The following RCC2 variants were observed in gnomAD, a reference collection of about 807,000 sequenced individuals.
RCC2 encodes protein RCC2.
Under a neutral mutation model 64.1 loss-of-function variants are expected in RCC2, and 19 were observed. That is an observed-to-expected ratio of 0.30 (90% confidence interval 0.21 to 0.44). RCC2 has a LOEUF of 0.44. RCC2 is among the 20% of genes least tolerant of loss of function. RCC2 has a pLI of 1.00. For missense variants in RCC2, 508 were observed against 710.4 expected, an observed-to-expected ratio of 0.72 and a Z score of 3.24; for synonymous variants, 325 against 279.6, an observed-to-expected ratio of 1.16 and a Z score of -1.62.
chr1:17,423,637 T>C (rs1233452133), intron 4 of RCC2, among the ~76,000 whole-genome samples: 1 of 152,250 alleles, frequency 6.6e-6, no homozygotes, highest in Non-Finnish European at 1.5e-5. Flanking sequence ...ACACCGCATC[T>C]AGGTTTCAAC....
At chr1:17,437,283 G>A (rs1388520173) in intron 2 of RCC2, among the ~76,000 whole-genome samples, 1 of 152,188 alleles carries the variant, frequency 6.6e-6, no homozygotes, top group East Asian at 1.9e-4. Flanking sequence ...CGGGTGTCAG[G>A]CTCTACACCC....
chr1:17,409,588 G>A (rs1235575095), intron 12 of RCC2, among the ~76,000 whole-genome samples: 1 of 152,222 alleles, frequency 6.6e-6, no homozygotes, highest in Non-Finnish European at 1.5e-5. Context: ...TGAGCCGCAG[G>A]GGCCTCACCC....
Position 17,425,510 on chromosome 1 carries a change from C to T in RCC2, c.523+31G>A, listed in dbSNP as rs544270255. On this transcript the variant is annotated intron_variant, in intron 4 of 12. Coordinates refer to ENST00000375436, the MANE Select transcript of RCC2 (RefSeq NM_018715.4). ...TGTGGGGACAGCTGGTGACAGTGGT[C>T]CCCAGTGCCCAGCACCCGCACGGTA... 62 of 1,562,576 alleles carry T rather than the reference C, an allele frequency of 4.0e-5. No homozygotes were observed. The South Asian group carries it at 6.9e-4, about 17-fold the overall frequency.
At chr1:17,419,905 C>T (rs2075533463) in intron 7 of RCC2, among the ~76,000 whole-genome samples, 1 of 152,250 alleles carries the variant, frequency 6.6e-6, no homozygotes, top group Non-Finnish European at 1.5e-5. Context: ...TCACTTCTGA[C>T]TTGAAGTATA....
At position 17,409,125 on chromosome 1, in the gene RCC2, T is replaced by G; in HGVS notation, c.1534A>C (p.Lys512Gln). ...CGGGGGTTGTATTCTGGCAGTTTCTTGATCTTCTCTTTCTCAGTCTCACTT... is the reference window on the plus strand; with the variant it reads ...CGGGGGTTGTATTCTGGCAGTTTCTGGATCTTCTCTTTCTCAGTCTCACTT... ...DESETEKEKI[K>Q]KLPEYNPRTL Residue 512 changes from lysine (K) to glutamine (Q), a missense_variant, in exon 13 of 13, where the codon AAG becomes CAG. By Grantham distance (53) the Lys-to-Gln change is moderately conservative. Around this residue, in one of 4 missense-constraint regions of RCC2, gnomAD observed 179 missense variants for 322.0 expected, o/e 0.56. Coordinates refer to ENST00000375436, the MANE Select transcript of RCC2 (RefSeq NM_018715.4). 1.9e-6 allele frequency: 3 copies of G among 1,614,096 alleles called. No individual in the cohort carries two copies. Among genetic ancestry groups the G allele is most frequent in the Non-Finnish European group, 2.5e-6 (3 of 1,179,954 alleles).
chr1:17,422,162 A>G, intron 6 of RCC2, 41 bp downstream of exon 6: 1 of 1,417,314 alleles, frequency 7.1e-7, no homozygotes, highest in Non-Finnish European at 9.7e-7. Context: ...AAAAGTAAAG[A>G]GAAACAAAAA....
intron 4 of RCC2, 70 bp from the exon 5 acceptor site, chr1:17,422,906 G>A (rs1342006962): frequency 2.5e-5 from 40 of 1,577,266 alleles, no homozygotes; most frequent in Non-Finnish European, 3.2e-5. Context: ...GAGAAGGCGA[G>A]TACAAACACA....
intron 8 of RCC2, among the ~76,000 whole-genome samples, chr1:17,415,714 A>C (rs1470065949): frequency 4.1e-4 from 59 of 144,336 alleles, no homozygotes; most frequent in East Asian, 1.4e-3. Flanking sequence ...CGCCTCAAAT[A>C]AAAAAAAAAA....
Position 17,407,525 on chromosome 1 carries a change from G to A in RCC2, c.*1565C>T, listed in dbSNP as rs754104507. The A allele has an allele frequency of 3.3e-5, 5 of 152,580 alleles. No individual in the cohort carries two copies. Among genetic ancestry groups the A allele is most frequent in the Non-Finnish European group, 7.3e-5 (5 of 68,040 alleles). The allele number at this position is 152,580 out of a possible 1,614,324, so 9.5% of individuals were successfully genotyped here. ...GCGTGGCGTCAGACTAAGTCTTAGA[G>A]AGATGCAGGCCAGTCTCCTCCCACA... On this transcript the variant is annotated 3_prime_UTR_variant, in exon 13 of 13. Coordinates refer to ENST00000375436, the MANE Select transcript of RCC2 (RefSeq NM_018715.4).
intron 12 of RCC2, among the ~76,000 whole-genome samples, 168 bp downstream of exon 12, chr1:17,409,806 G>A (rs2075405424): frequency 6.6e-6 from 1 of 152,224 alleles, no homozygotes; most frequent in East Asian, 1.9e-4. Flanking sequence ...ACTCTCTCCT[G>A]CAGAATGATT....
chr1:17,411,146 G>A (rs370803217), intron 11 of RCC2, among the ~76,000 whole-genome samples: 4 of 152,248 alleles, frequency 2.6e-5, no homozygotes, highest in East Asian at 3.9e-4. Context: ...AGGAGAGGGA[G>A]ACAGACTGTG....
intron 4 of RCC2, among the ~76,000 whole-genome samples, chr1:17,424,153 C>T (rs1196913379): frequency 6.6e-6 from 1 of 152,220 alleles, no homozygotes; most frequent in East Asian, 1.9e-4. Context: ...AGCAATGCGT[C>T]AGCCACCCTC....
chr1:17,423,940 C>G (rs887530945), intron 4 of RCC2, among the ~76,000 whole-genome samples: 3 of 152,214 alleles, frequency 2.0e-5, no homozygotes, highest in Non-Finnish European at 4.4e-5. Context: ...GGGAAACCAG[C>G]CTCTGACTCG....
chr1:17,426,947 G>A (rs1447319037), intron 3 of RCC2, among the ~76,000 whole-genome samples: 1 of 152,006 alleles, frequency 6.6e-6, no homozygotes, highest in Non-Finnish European at 1.5e-5. Context: ...ATATTTAGTA[G>A]AGAGGGTTTC....
intron 6 of RCC2, among the ~76,000 whole-genome samples, chr1:17,421,266 G>A (rs988379004): frequency 1.3e-5 from 2 of 152,138 alleles, no homozygotes; most frequent in African/African-American, 4.8e-5. Context: ...GGAGGCCGAG[G>A]CAGGCAGATC....
rs887962153 is a variant in RCC2 at position 17,438,677 on chromosome 1, G to T, written c.-8-155C>A. Reference sequence around the variant, plus strand: ...GGCGGAGAGGGGGCGAGTTGGGAGAGGAAATCGCGCCCCTCCCTGGCCCCG... The same window carrying T: ...GGCGGAGAGGGGGCGAGTTGGGAGATGAAATCGCGCCCCTCCCTGGCCCCG... On this transcript the variant is annotated intron_variant, in intron 1 of 12. Coordinates refer to ENST00000375436, the MANE Select transcript of RCC2 (RefSeq NM_018715.4). The T allele has an allele frequency of 1.7e-5, 12 of 699,322 alleles. No individual in the cohort carries two copies. The South Asian group carries it at 7.4e-4, about 43-fold the overall frequency. The allele number at this position is 699,322 out of a possible 1,614,324, so 43.3% of individuals were successfully genotyped here. A position where few individuals can be genotyped will look rare whatever the true frequency, so the allele number is the denominator to read the frequency against.
chr1:17,439,361 A>C (rs1570220894), intron 1 of RCC2, among the ~76,000 whole-genome samples, 184 bp downstream of exon 1: 2 of 145,708 alleles, frequency 1.4e-5, no homozygotes. Context: ...GATTTTGAAC[A>C]ATGGGATCTC....
intron 11 of RCC2, among the ~76,000 whole-genome samples, chr1:17,411,289 C>A (rs1036018100): frequency 2.0e-5 from 3 of 152,120 alleles, no homozygotes; most frequent in Non-Finnish European, 4.4e-5. Context: ...CTCAAAGACC[C>A]GCCTTGGCCA....
chr1:17,424,765 G>A (rs952733483), intron 4 of RCC2, among the ~76,000 whole-genome samples: 1 of 152,210 alleles, frequency 6.6e-6, no homozygotes, highest in Non-Finnish European at 1.5e-5. Flanking sequence ...TGCCCCGCTG[G>A]AGGCAGAGGC....
Sources: gnomAD v4.1 joint callset for allele counts (sites outside exome capture counted in the v4.1 genomes callset) on GRCh38, gnomAD v4.1.1 for gene constraint, gnomAD v4.1.1 regional missense constraint, MANE v1.5 for transcripts, NCBI Gene and HGNC (gene_info 2026-07-23, HGNC 2026-07-21) for gene names.